The following CNTLN variants were observed in gnomAD, a reference collection of about 807,000 sequenced individuals.
CNTLN encodes centlein, centrosomal protein.
A neutral mutation model predicts 180.0 loss-of-function variants in CNTLN; 212 were observed. The ratio of observed to expected loss-of-function variants is 1.18; its 90% CI spans 1.05 to 1.32. The LOEUF is 1.32. Ranked by LOEUF, CNTLN falls within the 40% of genes most tolerant of loss-of-function variation. The probability of loss-of-function intolerance (pLI) is 0.00; values close to 1 mark genes in which losing one functional copy is unlikely to be tolerated. For synonymous variants in CNTLN, 722 were observed against 563.1 expected (o/e 1.28, Z -3.99); for missense variants, 2,095 against 1,610.9 (o/e 1.30, Z -5.14).
intron 23 of CNTLN, among the ~76,000 whole-genome samples, chr9:17,475,363 T>C (rs891933186): frequency 1.3e-5 from 2 of 151,806 alleles, no homozygotes; most frequent in African/African-American, 2.4e-5. Flanking sequence ...ACTCTAGATA[T>C]TGATTCAAAA....
At chr9:17,181,863 C>T (rs1331743731) in intron 2 of CNTLN, among the ~76,000 whole-genome samples, 1 of 152,200 alleles carries the variant, frequency 6.6e-6, no homozygotes, top group Non-Finnish European at 1.5e-5. Context: ...AGGAATGTCT[C>T]CCATGTGGCT....
At chr9:17,328,825 T>C (rs950710502) in intron 8 of CNTLN, among the ~76,000 whole-genome samples, 1 of 152,106 alleles carries the variant, frequency 6.6e-6, no homozygotes, top group Non-Finnish European at 1.5e-5. Flanking sequence ...GTTCTCTGAT[T>C]TTTTATTGAG....
rs80299258 is a variant in CNTLN, at chr9:17,473,684, A to C, written c.3855+6793A>C. ...TCATTTTTCTCCTCTTTTATGTAGCAAAACACCTCAAAAGTGATACCTATT... is the reference window on the plus strand; with the variant it reads ...TCATTTTTCTCCTCTTTTATGTAGCCAAACACCTCAAAAGTGATACCTATT... On this transcript the variant is annotated intron_variant, in intron 23 of 25. Transcript: ENST00000380647. Among the ~76,000 whole-genome samples, 348 of 152,016 alleles carry C rather than the reference A, an allele frequency of 2.3e-3. 5 individuals are homozygous for C. The South Asian group carries it at 0.033, about 14-fold the overall frequency.
In CNTLN at chr9:17,486,993, T is replaced by C. The variant is rs1460827306; in HGVS notation, c.4046T>C (p.Ile1349Thr). Residue 1349 changes from isoleucine (I) to threonine (T), a missense_variant, in exon 25 of 26, where the codon ATT (isoleucine) becomes ACT (threonine). Physicochemically the swap from Ile to Thr is moderately conservative, Grantham distance 89. Transcript: ENST00000380647. ...EILDTEDQVEIEKTKIDAEND... is the reference protein window; with the variant it reads ...EILDTEDQVETEKTKIDAEND... ...GTTTTTATTTTTTTTCTTCAGGAAA[T>C]TGAAAAAACAAAAATTGATGCTGAA... 2 of 1,569,914 alleles carry C rather than the reference T, an allele frequency of 1.3e-6. No homozygotes were observed. Among genetic ancestry groups the C allele is most frequent in the African/African-American group, 1.4e-5 (1 of 72,172 alleles).
intron 9 of CNTLN, 29 bp from the exon 10 acceptor site, chr9:17,332,575 GT>G (rs1367205582): frequency 1.3e-6 from 2 of 1,579,616 alleles, no homozygotes; most frequent in Non-Finnish European, 1.7e-6. Context: ...GTTCCAACTA[GT>G]TCAACCATGT....
intron 2 of CNTLN, among the ~76,000 whole-genome samples, chr9:17,171,839 G>A (rs1820440298): frequency 6.6e-6 from 1 of 152,092 alleles, no homozygotes; most frequent in Non-Finnish European, 1.5e-5. Context: ...GTAGCTCCAG[G>A]GTCCAGGACA....
chr9:17,135,570 G>T (rs969612624), intron 1 of CNTLN, 145 bp downstream of exon 1: 13 of 1,117,358 alleles, frequency 1.2e-5, no homozygotes, highest in South Asian at 1.7e-5. Flanking sequence ...GCTCGCGGCC[G>T]GGGGCTGGAG....
chr9:17,371,232 G>A (rs569865072), intron 13 of CNTLN, among the ~76,000 whole-genome samples: 4 of 152,098 alleles, frequency 2.6e-5, no homozygotes, highest in South Asian at 2.1e-4. Context: ...TATAAGAAAC[G>A]CTTCATCTAT....
intron 18 of CNTLN, among the ~76,000 whole-genome samples, chr9:17,439,469 A>G (rs1829981924): frequency 6.6e-6 from 1 of 152,198 alleles, no homozygotes; most frequent in Non-Finnish European, 1.5e-5. Context: ...TCAAAGAAGA[A>G]AACAAAATGA....
At chr9:17,296,841 C>T (rs1346210462) in intron 6 of CNTLN, among the ~76,000 whole-genome samples, 1 of 152,128 alleles carries the variant, frequency 6.6e-6, no homozygotes, top group Admixed American at 6.5e-5. Context: ...GGTTTGAGAA[C>T]ATTAATGTTC....
chr9:17,463,066 A>G, intron 20 of CNTLN, 53 bp downstream of exon 20: 1 of 1,047,744 alleles, frequency 9.5e-7, no homozygotes, highest in African/African-American at 1.7e-5. Flanking sequence ...AGTGGCAACC[A>G]GCTCTATTAA....
At chr9:17,141,592 T>C (rs1818098979) in intron 1 of CNTLN, among the ~76,000 whole-genome samples, 1 of 152,134 alleles carries the variant, frequency 6.6e-6, no homozygotes, top group African/African-American at 2.4e-5. Context: ...ATTAGTTTCC[T>C]AATTTAATGG....
At chr9:17,347,541 C>A (rs753062472) in intron 12 of CNTLN, among the ~76,000 whole-genome samples, 1 of 151,856 alleles carries the variant, frequency 6.6e-6, no homozygotes, top group Non-Finnish European at 1.5e-5. Flanking sequence ...TGGTGGCGCA[C>A]GCCTGTAATC....
chr9:17,384,160 G>A (rs1477701250), intron 13 of CNTLN, among the ~76,000 whole-genome samples: 2 of 151,974 alleles, frequency 1.3e-5, no homozygotes, highest in Admixed American at 6.6e-5. Flanking sequence ...ATTAAAGATA[G>A]CATGTTCAAA....
intron 20 of CNTLN, among the ~76,000 whole-genome samples, chr9:17,463,778 T>C (rs1196973357): frequency 6.6e-6 from 1 of 151,644 alleles, no homozygotes; most frequent in African/African-American, 2.4e-5. Context: ...CTTTGAATCC[T>C]GGCTTCCCTA....
In CNTLN at chr9:17,135,354, GCGATGGTGACCCGGA is replaced by G. The variant is rs1283386622; in HGVS notation, c.292_306del (p.Met98_Thr102del). On this transcript the variant is annotated inframe_deletion, in exon 1 of 26. Transcript: ENST00000380647. ...GCTAGAGGGCATCTCGGTAGAGGAG[GCGATGGTGACCCGGA>G]CGCAGCTGCTGGAGGAAGAGCTGAG... 6 of 1,601,180 alleles carry G rather than the reference GCGATGGTGACCCGGA, an allele frequency of 3.7e-6. No homozygotes were observed. The highest frequency in any genetic ancestry group is 5.1e-6 in the Non-Finnish European group (6 of 1,174,786).
intron 2 of CNTLN, among the ~76,000 whole-genome samples, chr9:17,184,200 T>G (rs1821292917): frequency 6.6e-6 from 1 of 152,180 alleles, no homozygotes; most frequent in South Asian, 2.1e-4. Flanking sequence ...CAAACGGACT[T>G]ATTCGAATCA....
intron 5 of CNTLN, among the ~76,000 whole-genome samples, chr9:17,248,425 TAA>T (rs1229843310): frequency 6.6e-6 from 1 of 151,732 alleles, no homozygotes; most frequent in African/African-American, 2.4e-5. Context: ...TTATATTGGT[TAA>T]GACTTTTCTT....
chr9:17,528,222 T>C, the CNTLN span, among the ~76,000 whole-genome samples: 9 of 152,098 alleles, frequency 5.9e-5, no homozygotes, highest in Non-Finnish European at 1.3e-4. Flanking sequence ...AGGGGGAAAA[T>C]AGCAGCTGTA....
Sources: allele counts gnomAD v4.1 joint callset (sites outside exome capture counted in the v4.1 genomes callset), GRCh38; gene constraint gnomAD v4.1.1; transcripts MANE v1.5; gene names NCBI Gene and HGNC (gene_info 2026-07-23, HGNC 2026-07-21).